The following MLIP variants were observed in gnomAD, a reference collection of about 807,000 sequenced individuals.
MLIP encodes the protein muscular LMNA-interacting protein.
A neutral mutation model predicts 84.8 loss-of-function variants in MLIP; 79 were observed. That is an observed-to-expected ratio of 0.93 (90% confidence interval 0.78 to 1.12). MLIP has a LOEUF of 1.12. Among genes scored for constraint, MLIP ranks in the 50% most tolerant of loss-of-function variants. The probability of loss-of-function intolerance (pLI) is 0.00; values close to 1 mark genes in which losing one functional copy is unlikely to be tolerated. For synonymous variants in MLIP, 504 were observed against 463.0 expected, an observed-to-expected ratio of 1.09 and a Z score of -1.14; for missense variants, 1,257 against 1,160.6, an observed-to-expected ratio of 1.08 and a Z score of -1.21.
rs10223728 is a variant in MLIP at position 54,215,128 on chromosome 6, C to A, written c.2718+12895C>A. On this transcript the variant is annotated intron_variant, in intron 11 of 13. Transcript: ENST00000502396. ...GTACTTCCTCACTAAAAGCTGTCCACTTTACACTCAGGCTGCACATTCTGT... is the reference window on the plus strand; with the variant it reads ...GTACTTCCTCACTAAAAGCTGTCCAATTTACACTCAGGCTGCACATTCTGT... 12,374 of 1,532,866 alleles carry A rather than the reference C, an allele frequency of 8.1e-3. 835 individuals carry two copies. In the African/African-American group the frequency reaches 0.15, roughly 18 times the overall value. The allele number at this position is 1,532,866 out of a possible 1,614,324, so 95.0% of individuals were successfully genotyped here.
chr6:54,031,270 T>C (rs915431331), intron 1 of MLIP: 11 of 152,156 alleles, frequency 7.2e-5, no homozygotes, highest in Admixed American at 7.2e-4. Context: ...TCTTGCTGAC[T>C]CAATGAGATT....
chr6:54,220,922 T>TAC (rs143689632), intron 11 of MLIP, among the ~76,000 whole-genome samples: 16,157 of 150,536 alleles, frequency 0.11, 1,056 homozygotes, highest in East Asian at 0.2. Context: ...AAAGGAGATA[T>TAC]ACACACACAC....
chr6:54,110,247 T>G (rs554167091), upstream of MLIP, among the ~76,000 whole-genome samples: 120 of 152,220 alleles, frequency 7.9e-4, no homozygotes, highest in African/African-American at 2.9e-3. Context: ...CCTCCCAAAG[T>G]GCTGGGATTA....
Position 54,137,517 on chromosome 6 carries a change from T to C in MLIP, c.1448T>C (p.Val483Ala). The C allele has an allele frequency of 2.6e-6, 4 of 1,536,014 alleles. No individual in the cohort carries two copies. The highest frequency in any genetic ancestry group is 3.5e-6 in the Non-Finnish European group (4 of 1,146,898). The change falls in exon 4 of 14, where the codon GTT becomes GCT. Residue 483 changes from valine (V) to alanine (A), a missense_variant. Coordinates refer to ENST00000502396, the MANE Select transcript of MLIP (RefSeq NM_001281747.2). ...AGSPDQGELQ[V>A]SELTQQSFHL... ...TCACCAGATCAAGGGGAACTCCAGGTTTCTGAATTGACCCAGCAATCTTTT... is the reference window on the plus strand; with the variant it reads ...TCACCAGATCAAGGGGAACTCCAGGCTTCTGAATTGACCCAGCAATCTTTT...
intron 10 of MLIP, 36 bp from the exon 11 acceptor site, chr6:54,202,069 T>C: frequency 2.8e-6 from 4 of 1,433,678 alleles, no homozygotes; most frequent in Non-Finnish European, 2.8e-6. Flanking sequence ...AGTGTTTTTT[T>C]CCTGTTTTTA....
chr6:54,070,518 G>C (rs1766422294), intron 1 of MLIP, among the ~76,000 whole-genome samples: 1 of 152,154 alleles, frequency 6.6e-6, no homozygotes, highest in Non-Finnish European at 1.5e-5. Flanking sequence ...AAAAGGCAAG[G>C]CATGTCAAAT....
chr6:54,232,834 C>T (rs2150810301), intron 12 of MLIP, among the ~76,000 whole-genome samples: 1 of 152,276 alleles, frequency 6.6e-6, no homozygotes, highest in South Asian at 2.1e-4. Flanking sequence ...TCAAATCTTC[C>T]CATCCTTCCC....
chr6:54,020,017 C>T (rs1763407095), intron 1 of MLIP, among the ~76,000 whole-genome samples: 1 of 152,232 alleles, frequency 6.6e-6, no homozygotes. Flanking sequence ...TCAGTACCCA[C>T]TTTGTACCTC....
chr6:54,138,807 G>A (rs889018124), intron 4 of MLIP, among the ~76,000 whole-genome samples: 3 of 152,286 alleles, frequency 2.0e-5, no homozygotes, highest in East Asian at 3.9e-4. Flanking sequence ...AGGCATGCTG[G>A]CTTCCCAACT....
upstream of MLIP, among the ~76,000 whole-genome samples, chr6:54,109,921 CTTT>C: frequency 8.8e-6 from 1 of 114,016 alleles, no homozygotes; most frequent in African/African-American, 3.0e-5. Context: ...TTCTTTCTTT[CTTT>C]CTTCCTTCCT....
chr6:54,228,769 A>G (rs1440541090), intron 11 of MLIP, among the ~76,000 whole-genome samples: 4 of 152,256 alleles, frequency 2.6e-5, no homozygotes, highest in Non-Finnish European at 4.4e-5. Context: ...AAGCCTGAGT[A>G]TAAGCCAGAG....
At chr6:54,090,103 T>C (rs897853135) in intron 1 of MLIP, among the ~76,000 whole-genome samples, 1 of 152,174 alleles carries the variant, frequency 6.6e-6, no homozygotes, top group Non-Finnish European at 1.5e-5. Context: ...TTCTCATTTT[T>C]TTCTTTCTTA....
At chr6:54,238,970 G>A (rs750710295) in intron 12 of MLIP, among the ~76,000 whole-genome samples, 2 of 152,160 alleles carry the variant, frequency 1.3e-5, no homozygotes, top group Non-Finnish European at 2.9e-5. Flanking sequence ...AGGTAAATAA[G>A]TATGGCAGAT....
At chr6:54,042,493 T>A (rs1764802608) in intron 1 of MLIP, among the ~76,000 whole-genome samples, 1 of 152,212 alleles carries the variant, frequency 6.6e-6, no homozygotes, top group African/African-American at 2.4e-5. Context: ...CAAACATATT[T>A]TTTTAAAGTC....
At position 54,032,057 on chromosome 6, in the gene MLIP, C is replaced by T. The variant is rs60813871; in HGVS notation, c.63+12966C>T. 6.7e-3 allele frequency among the ~76,000 whole-genome samples: 1,020 copies of T among 152,132 alleles called. 13 individuals carry two copies. Among genetic ancestry groups the T allele is most frequent in the African/African-American group, 0.023 (958 of 41,504 alleles). On this transcript the variant is annotated intron_variant, in intron 1 of 12. Transcript: ENST00000274897. ...CAGAGCAATGACAGAATTATGGAGA[C>T]TATGGAACTTTCTGAGAGTAGGTGA...
At chr6:54,229,239 A>AAAT (rs1315029999) in intron 11 of MLIP, among the ~76,000 whole-genome samples, 1 of 152,250 alleles carries the variant, frequency 6.6e-6, no homozygotes, top group Non-Finnish European at 1.5e-5. Flanking sequence ...TCTTGGTAGA[A>AAAT]AATAAATAGC....
chr6:54,115,496 A>G (rs946737549), intron 1 of MLIP, among the ~76,000 whole-genome samples: 5 of 152,184 alleles, frequency 3.3e-5, no homozygotes, highest in Admixed American at 2.6e-4. Flanking sequence ...GAAGAAACAA[A>G]TTACGGAAGG....
chr6:54,201,404 T>C (rs556694039), intron 10 of MLIP, among the ~76,000 whole-genome samples: 1 of 152,324 alleles, frequency 6.6e-6, no homozygotes, highest in South Asian at 2.1e-4. Context: ...CTCTGGTGTC[T>C]CTCCTTTCTG....
intron 8 of MLIP, among the ~76,000 whole-genome samples, chr6:54,166,256 T>C (rs1240869032): frequency 6.6e-6 from 1 of 151,946 alleles, no homozygotes; most frequent in Non-Finnish European, 1.5e-5. Flanking sequence ...TCATAACTAA[T>C]ACCTTTCAAT....
Sources: allele counts gnomAD v4.1 joint callset (sites outside exome capture counted in the v4.1 genomes callset), GRCh38; gene constraint gnomAD v4.1.1; transcripts MANE v1.5; gene names NCBI Gene and HGNC (gene_info 2026-07-23, HGNC 2026-07-21).